Variants in ARHGAP24 observed in about 807,000 individuals in gnomAD.
ARHGAP24 encodes the protein Rho GTPase activating protein 24, also known as rho GTPase-activating protein 24.
In ARHGAP24, 50 loss-of-function variants were observed where a neutral mutation model predicts 76.4. The ratio of observed to expected loss-of-function variants is 0.65; its 90% CI spans 0.52 to 0.83. ARHGAP24 has a LOEUF of 0.83. ARHGAP24 is among the 40% of genes least tolerant of loss of function. ARHGAP24 has a pLI of 0.00. For synonymous variants in ARHGAP24, 345 were observed against 323.3 expected (o/e 1.07, Z -0.72); for missense variants, 930 against 914.2 (o/e 1.02, Z -0.22).
At chr4:85,679,826 T>C (rs956675634) in intron 2 of ARHGAP24, among the ~76,000 whole-genome samples, 2 of 152,220 alleles carry the variant, frequency 1.3e-5, no homozygotes, top group Non-Finnish European at 2.9e-5. Context: ...TGTCTCTTGC[T>C]TCTCTCCTTT....
intron 6 of ARHGAP24, among the ~76,000 whole-genome samples, chr4:85,974,092 G>A (rs567000003): frequency 2.0e-5 from 3 of 149,106 alleles, no homozygotes; most frequent in East Asian, 2.0e-4. Context: ...TCCTGACCCC[G>A]TGATCCACCT....
At chr4:85,721,024 AC>A (rs1724912828) in intron 2 of ARHGAP24, among the ~76,000 whole-genome samples, 1 of 152,166 alleles carries the variant, frequency 6.6e-6, no homozygotes, top group Non-Finnish European at 1.5e-5. Flanking sequence ...AAGTCAAAGT[AC>A]TTTTTTTAAT....
chr4:85,772,678 G>C (rs1228487909), intron 3 of ARHGAP24, among the ~76,000 whole-genome samples: 1 of 152,174 alleles, frequency 6.6e-6, no homozygotes, highest in Non-Finnish European at 1.5e-5. Flanking sequence ...TTTGATGAAA[G>C]ATTTGTACTT....
chr4:85,486,280 GT>G lies in ARHGAP24; in HGVS notation c.-21+10731del, dbSNP rs963682306. Among the ~76,000 whole-genome samples, 80 of 148,322 alleles carry G rather than the reference GT, an allele frequency of 5.4e-4. 1 individual carries two copies. The highest frequency in any genetic ancestry group is 1.8e-3 in the African/African-American group (73 of 40,458). ...GAGGAATTTGAAAATGTATGAGGGT[GT>G]TTTTTTTTTATCTTGACAATGACTG... is the stretch of plus-strand genomic sequence containing the variant. On this transcript the variant is annotated intron_variant, in intron 1 of 9. Transcript: ENST00000395184.
intron 2 of ARHGAP24, among the ~76,000 whole-genome samples, chr4:85,599,671 ATTT>A (rs371489635): frequency 3.3e-5 from 5 of 151,858 alleles, no homozygotes; most frequent in African/African-American, 9.6e-5. Context: ...CTATTAAATT[ATTT>A]TTTTTTTGTA....
At chr4:85,842,195 C>T (rs1395069605) in intron 3 of ARHGAP24, among the ~76,000 whole-genome samples, 4 of 152,280 alleles carry the variant, frequency 2.6e-5, no homozygotes, top group East Asian at 3.9e-4. Context: ...TTTGCCCCCC[C>T]GGCTGAATGG....
At chr4:85,912,925 G>A (rs1297438393) in intron 3 of ARHGAP24, among the ~76,000 whole-genome samples, 1 of 151,894 alleles carries the variant, frequency 6.6e-6, no homozygotes, top group Non-Finnish European at 1.5e-5. Flanking sequence ...TGGGGTGAAA[G>A]CGATTATATG....
chr4:85,582,859 T>C (rs963991202), intron 2 of ARHGAP24, among the ~76,000 whole-genome samples: 2 of 152,166 alleles, frequency 1.3e-5, no homozygotes, highest in African/African-American at 4.8e-5. Context: ...AGTAATAATT[T>C]AAGAAGCAAT....
intron 2 of ARHGAP24, among the ~76,000 whole-genome samples, chr4:85,666,824 G>A (rs575399818): frequency 3.9e-5 from 6 of 152,264 alleles, no homozygotes; most frequent in South Asian, 4.2e-4. Flanking sequence ...TTCGTGAACC[G>A]CGAATGCTGC....
chr4:85,570,417 TCCTCTCTCTCTC>T, intron 1 of ARHGAP24, 93 bp from the exon 2 acceptor site: 4 of 373,118 alleles, frequency 1.1e-5, no homozygotes, highest in South Asian at 4.5e-5. Flanking sequence ...TTTCTTTCTT[TCCTCTCTCTCTC>T]TCTTTTTTTT....
At chr4:85,937,682 G>A (rs1288449425) in intron 4 of ARHGAP24, among the ~76,000 whole-genome samples, 1 of 152,098 alleles carries the variant, frequency 6.6e-6, no homozygotes, top group African/African-American at 2.4e-5. Context: ...AGAAGAAGGA[G>A]ACTGACAGTT....
chr4:85,724,564 T>G (rs1320815802), intron 3 of ARHGAP24, among the ~76,000 whole-genome samples: 1 of 150,596 alleles, frequency 6.6e-6, no homozygotes, highest in African/African-American at 2.4e-5. Context: ...TGCTTTTGCT[T>G]TATGCTGAAA....
chr4:85,483,443 C>T (rs1722893983), intron 1 of ARHGAP24, among the ~76,000 whole-genome samples: 1 of 152,020 alleles, frequency 6.6e-6, no homozygotes, highest in African/African-American at 2.4e-5. Context: ...GAAACTCCGT[C>T]TCTACTATAA....
chr4:85,945,778 A>T (rs903558655), intron 5 of ARHGAP24, among the ~76,000 whole-genome samples: 2 of 151,720 alleles, frequency 1.3e-5, no homozygotes, highest in African/African-American at 4.8e-5. Flanking sequence ...AAAAAAAAAA[A>T]ATTATACATG....
chr4:85,882,361 C>T (rs554471287), intron 3 of ARHGAP24, among the ~76,000 whole-genome samples: 1 of 152,188 alleles, frequency 6.6e-6, no homozygotes, highest in East Asian at 1.9e-4. Context: ...CTAGTGGGTA[C>T]TTAATCAATG....
intron 6 of ARHGAP24, among the ~76,000 whole-genome samples, chr4:85,973,847 T>TTTTTC: frequency 1.1e-5 from 1 of 94,414 alleles, no homozygotes; most frequent in African/African-American, 4.0e-5. Flanking sequence ...TTTTTTTTTT[T>TTTTTC]TTTTTTTTTT....
At chr4:85,980,739 G>T (rs1739610108) in intron 8 of ARHGAP24, among the ~76,000 whole-genome samples, 1 of 152,118 alleles carries the variant, frequency 6.6e-6, no homozygotes, top group Non-Finnish European at 1.5e-5. Flanking sequence ...ATAATATTCA[G>T]ATAACTGGGG....
At chr4:85,515,553 G>A (rs1429769306) in intron 1 of ARHGAP24, among the ~76,000 whole-genome samples, 1 of 151,586 alleles carries the variant, frequency 6.6e-6, no homozygotes. Context: ...TACACACTCA[G>A]CTGTCTCTCT....
intron 2 of ARHGAP24, among the ~76,000 whole-genome samples, chr4:85,648,032 C>T (rs1457544586): frequency 6.6e-6 from 1 of 152,062 alleles, no homozygotes; most frequent in Non-Finnish European, 1.5e-5. Context: ...TGAAGAAGTG[C>T]ATAAATGCGT....
Sources: allele counts gnomAD v4.1 joint callset (sites outside exome capture counted in the v4.1 genomes callset), GRCh38; gene constraint gnomAD v4.1.1; transcripts MANE v1.5; gene names NCBI Gene and HGNC (gene_info 2026-07-23, HGNC 2026-07-21).